The following PTPRD variants were observed in gnomAD, a reference collection of about 807,000 sequenced individuals.
PTPRD encodes receptor-type tyrosine-protein phosphatase delta.
PTPRD carries 34 observed loss-of-function variants against 214.5 expected under a neutral mutation model. The ratio of observed to expected loss-of-function variants is 0.16; its 90% confidence interval spans 0.12 to 0.21. The LOEUF is 0.21. Ranked by LOEUF, PTPRD falls within the 10% of genes least tolerant of loss-of-function variation. The pLI is 1.00. For missense variants in PTPRD, 2,545 were observed against 2,398.7 expected (o/e 1.06, Z -1.27); for synonymous variants, 1,128 against 845.7 (o/e 1.33, Z -5.79).
At chr9:9,670,768 T>G (rs951819534) in intron 7 of PTPRD, among the ~76,000 whole-genome samples, 3 of 152,082 alleles carry the variant, frequency 2.0e-5, no homozygotes, top group Non-Finnish European at 4.4e-5. Context: ...AGCCTGCGGG[T>G]GCACAGAAGT....
At chr9:10,196,275 C>T (rs294831) in intron 3 of PTPRD, among the ~76,000 whole-genome samples, 123,747 of 152,058 alleles carry the variant, frequency 0.81, 51,578 homozygotes, top group East Asian at 0.97. Flanking sequence ...GATTGACATA[C>T]AATCAGTTAC....
intron 14 of PTPRD, among the ~76,000 whole-genome samples, chr9:8,539,056 C>CT (rs1407951751): frequency 6.6e-6 from 1 of 151,856 alleles, no homozygotes; most frequent in African/African-American, 2.4e-5. Context: ...CAGAAGCCAG[C>CT]TTAAAGGGGC....
chr9:8,481,432 C>A (rs910893210), intron 30 of PTPRD, among the ~76,000 whole-genome samples: 5 of 152,116 alleles, frequency 3.3e-5, no homozygotes, highest in Non-Finnish European at 5.9e-5. Context: ...ACCTAAATTA[C>A]ACAAATTATA....
At chr9:9,531,377 T>A (rs973024099) in intron 8 of PTPRD, among the ~76,000 whole-genome samples, 1 of 152,084 alleles carries the variant, frequency 6.6e-6, no homozygotes, top group African/African-American at 2.4e-5. Context: ...CTATTAGTAA[T>A]TGGATAAGTG....
At chr9:10,306,560 T>C (rs1284195595) in intron 3 of PTPRD, among the ~76,000 whole-genome samples, 1 of 152,106 alleles carries the variant, frequency 6.6e-6, no homozygotes, top group Non-Finnish European at 1.5e-5. Flanking sequence ...AAGGTAATAA[T>C]GAGAGTTTAA....
intron 7 of PTPRD, among the ~76,000 whole-genome samples, chr9:9,714,411 TAA>T (rs1292627950): frequency 6.6e-6 from 1 of 152,204 alleles, no homozygotes; most frequent in Non-Finnish European, 1.5e-5. Flanking sequence ...GAAACCATTT[TAA>T]AAGTTTTTAT....
intron 2 of PTPRD, among the ~76,000 whole-genome samples, chr9:10,600,045 T>C (rs898567901): frequency 2.0e-5 from 3 of 151,902 alleles, no homozygotes; most frequent in Non-Finnish European, 4.4e-5. Flanking sequence ...TGTAATATAT[T>C]TAAAGGTCAT....
At chr9:9,425,027 G>C (rs1251600256) in intron 8 of PTPRD, among the ~76,000 whole-genome samples, 1 of 152,128 alleles carries the variant, frequency 6.6e-6, no homozygotes, top group Non-Finnish European at 1.5e-5. Context: ...TCAGTTCTTA[G>C]TTTAAGCTTA....
At chr9:8,605,066 T>C (rs1429921790) in intron 14 of PTPRD, among the ~76,000 whole-genome samples, 1 of 152,204 alleles carries the variant, frequency 6.6e-6, no homozygotes, top group African/African-American at 2.4e-5. Context: ...TCACTCTTGG[T>C]AACCTCTGGC....
At chr9:9,018,942 A>G (rs1011497112) in intron 10 of PTPRD, among the ~76,000 whole-genome samples, 2 of 152,152 alleles carry the variant, frequency 1.3e-5, no homozygotes, top group Non-Finnish European at 2.9e-5. Flanking sequence ...AAGCAACAAG[A>G]AGCAAAACAT....
At chr9:9,540,288 G>A (rs905599164) in intron 8 of PTPRD, among the ~76,000 whole-genome samples, 1 of 151,730 alleles carries the variant, frequency 6.6e-6, no homozygotes, top group Non-Finnish European at 1.5e-5. Context: ...TGAGTATAGG[G>A]TACTATTCTT....
At chr9:9,169,354 A>G (rs1270879797) in intron 10 of PTPRD, among the ~76,000 whole-genome samples, 1 of 152,112 alleles carries the variant, frequency 6.6e-6, no homozygotes, top group Non-Finnish European at 1.5e-5. Flanking sequence ...TGCTAAGAGG[A>G]CTTTTACATT....
intron 12 of PTPRD, among the ~76,000 whole-genome samples, chr9:8,725,068 T>C (rs1004724746): frequency 1.3e-5 from 2 of 152,338 alleles, no homozygotes; most frequent in South Asian, 2.1e-4. Flanking sequence ...ACTGTCATTA[T>C]GTAATATATT....
chr9:8,848,701 C>A (rs976369478), intron 11 of PTPRD, among the ~76,000 whole-genome samples: 1 of 151,898 alleles, frequency 6.6e-6, no homozygotes, highest in East Asian at 1.9e-4. Context: ...AAAATCATGT[C>A]ATATACAAGA....
At chr9:8,615,681 G>A (rs1176004782) in intron 14 of PTPRD, among the ~76,000 whole-genome samples, 12 of 151,870 alleles carry the variant, frequency 7.9e-5, no homozygotes. Flanking sequence ...GGCTTTTCCT[G>A]TCTTTATTTA....
intron 8 of PTPRD, among the ~76,000 whole-genome samples, chr9:9,464,065 T>C (rs1460210935): frequency 1.3e-5 from 2 of 152,188 alleles, no homozygotes; most frequent in African/African-American, 2.4e-5. Flanking sequence ...ATATTAACCC[T>C]TAATTTTAGT....
intron 8 of PTPRD, among the ~76,000 whole-genome samples, chr9:9,489,132 T>A (rs1168859361): frequency 6.6e-6 from 1 of 152,126 alleles, no homozygotes; most frequent in African/African-American, 2.4e-5. Flanking sequence ...TAATTGCATA[T>A]ATGAGAAACA....
At chr9:9,405,752 A>C (rs1432913948) in intron 8 of PTPRD, among the ~76,000 whole-genome samples, 1 of 152,006 alleles carries the variant, frequency 6.6e-6, no homozygotes, top group Non-Finnish European at 1.5e-5. Context: ...GAGACAGTTT[A>C]ACAAAATGTA....
At position 8,317,011 on chromosome 9, in the gene PTPRD, G is replaced by C. The variant is rs545915446; in HGVS notation, c.*863C>G. 2 of 231,262 alleles carry C rather than the reference G, an allele frequency of 8.6e-6. No individual in the cohort carries two copies. Among genetic ancestry groups the C allele is most frequent in the South Asian group, 3.6e-4 (2 of 5,494 alleles). The allele number at this position is 231,262 out of a possible 1,614,324, so 14.3% of individuals were successfully genotyped here. A position where few individuals can be genotyped will look rare whatever the true frequency, so the allele number is the denominator to read the frequency against. On this transcript the variant is annotated 3_prime_UTR_variant, in exon 46 of 46. Coordinates refer to ENST00000381196, the MANE Select transcript of PTPRD (RefSeq NM_002839.4). The stretch of plus-strand genomic sequence containing the variant: ...TGTTAGCAGCAACTTTATACTTTGC[G>C]CCTCCCTGTTGATTCCAAAAACAAA...
Sources: gnomAD v4.1 joint callset for allele counts (sites outside exome capture counted in the v4.1 genomes callset) on GRCh38, gnomAD v4.1.1 for gene constraint, MANE v1.5 for transcripts, NCBI Gene and HGNC (gene_info 2026-07-23, HGNC 2026-07-21) for gene names.